The following VEZT variants were observed in gnomAD, a reference collection of about 807,000 sequenced individuals.
The protein encoded by VEZT is vezatin, adherens junctions transmembrane protein, also known as vezatin.
In VEZT, 39 loss-of-function variants were observed where a neutral mutation model predicts 79.9. That is an observed-to-expected ratio of 0.49 (90% CI 0.38 to 0.64). The LOEUF (loss-of-function observed/expected upper bound fraction) is 0.64. Among genes scored for constraint, VEZT ranks in the 30% least tolerant of loss-of-function variants. The probability of loss-of-function intolerance (pLI) is 0.00; values close to 1 mark genes in which losing one functional copy is unlikely to be tolerated. For missense variants in VEZT, 837 were observed against 893.1 expected (o/e 0.94, Z 0.80); for synonymous variants, 325 against 327.6 (o/e 0.99, Z 0.09).
At chr12:95,260,376 G>A (rs1198732453) in intron 3 of VEZT, among the ~76,000 whole-genome samples, 1 of 152,128 alleles carries the variant, frequency 6.6e-6, no homozygotes, top group East Asian at 1.9e-4. Context: ...AAAGTGCTGG[G>A]ATTACAGGGG....
chr12:95,287,758 T>C lies in VEZT; in HGVS notation c.1423T>C (p.Leu475=). ...GGCTTATCCCATCCTAGAACAGAAA[T>C]TAAAGTTGATTCAGCCCCACGTTCA... ...SEAYPILEQK[L]KLIQPHVQAS... Residue 475 remains leucine (L), a synonymous_variant, in exon 9 of 12, where the codon TTA becomes CTA. Transcript: ENST00000436874. 1 of 1,606,270 alleles carries C rather than the reference T, an allele frequency of 6.2e-7. No homozygotes were observed. Among genetic ancestry groups the C allele is most frequent in the Non-Finnish European group, 8.5e-7 (1 of 1,176,022 alleles).
chr12:95,263,432 T>G (rs1272088746), intron 4 of VEZT, among the ~76,000 whole-genome samples: 1 of 152,186 alleles, frequency 6.6e-6, no homozygotes, highest in Non-Finnish European at 1.5e-5. Context: ...GTAGGATTGC[T>G]TAAGGCCAAG....
intron 1 of VEZT, among the ~76,000 whole-genome samples, chr12:95,223,095 G>T (rs2886934): frequency 0.046 from 7,072 of 152,210 alleles, 236 homozygotes; most frequent in Middle Eastern, 0.12. Flanking sequence ...CTATTTATTA[G>T]TTATATTAGT....
chr12:95,240,128 A>G (rs1182287896), intron 1 of VEZT, among the ~76,000 whole-genome samples: 1 of 152,204 alleles, frequency 6.6e-6, no homozygotes, highest in Non-Finnish European at 1.5e-5. Flanking sequence ...GAGTTGGAAG[A>G]TAGACAATCA....
chr12:95,284,952 G>A (rs934788260), intron 8 of VEZT, among the ~76,000 whole-genome samples: 16 of 152,004 alleles, frequency 1.1e-4, no homozygotes, highest in Non-Finnish European at 2.4e-4. Flanking sequence ...TAGGCATGGT[G>A]GCAGGCGCCT....
intron 2 of VEZT, among the ~76,000 whole-genome samples, chr12:95,254,381 C>G (rs1466888593): frequency 8.5e-6 from 1 of 117,490 alleles, no homozygotes; most frequent in African/African-American, 3.3e-5. Flanking sequence ...GAGTCTCACT[C>G]TGTCGCCCAG....
chr12:95,225,383 T>A (rs2058272581), intron 1 of VEZT, among the ~76,000 whole-genome samples: 1 of 151,854 alleles, frequency 6.6e-6, no homozygotes. Context: ...TGAAACCCCA[T>A]CTCTAGTAAA....
At chr12:95,236,269 G>A (rs538471658) in intron 1 of VEZT, among the ~76,000 whole-genome samples, 1 of 152,156 alleles carries the variant, frequency 6.6e-6, no homozygotes, top group African/African-American at 2.4e-5. Context: ...CAAAAAATAC[G>A]AAAACCAGTC....
At chr12:95,285,165 C>G (rs2070378404) in intron 8 of VEZT, among the ~76,000 whole-genome samples, 1 of 151,812 alleles carries the variant, frequency 6.6e-6, no homozygotes, top group Non-Finnish European at 1.5e-5. Context: ...AGCTTCCGGC[C>G]AGGCGCAATG....
chr12:95,218,132 C>T (rs2056971105), intron 1 of VEZT: 2 of 370,878 alleles, frequency 5.4e-6, no homozygotes. Flanking sequence ...TGCCCGGTTG[C>T]CAGGCTCTGG....
At chr12:95,294,464 A>C in intron 10 of VEZT, 92 bp downstream of exon 10, 2 of 1,076,626 alleles carry the variant, frequency 1.9e-6, no homozygotes, top group South Asian at 2.9e-5. Context: ...TTTATATCAG[A>C]TCATTAGTTC....
At chr12:95,292,749 A>G (rs1277166353) in intron 9 of VEZT, among the ~76,000 whole-genome samples, 2 of 151,086 alleles carry the variant, frequency 1.3e-5, no homozygotes, top group East Asian at 3.9e-4. Flanking sequence ...GGGTTTCACC[A>G]TATTAGCCAG....
At chr12:95,218,071 C>T (rs1328036018) in intron 1 of VEZT, 185 bp downstream of exon 1, 3 of 458,998 alleles carry the variant, frequency 6.5e-6, no homozygotes, top group Non-Finnish European at 1.1e-5. Context: ...GCCAGAGGCG[C>T]CCTGGCCGTG....
intron 2 of VEZT, chr12:95,256,518 G>A (rs974525465): frequency 1.4e-5 from 16 of 1,148,496 alleles, no homozygotes; most frequent in Non-Finnish European, 1.7e-5. Context: ...ATAGTTACAT[G>A]TATTTATCTT....
chr12:95,286,017 G>A (rs1488789215), intron 8 of VEZT, among the ~76,000 whole-genome samples: 1 of 111,084 alleles, frequency 9.0e-6, no homozygotes. Context: ...TTGAGATAGA[G>A]TCTGTCACTC....
At chr12:95,247,227 T>G (rs1472597629) in intron 1 of VEZT, among the ~76,000 whole-genome samples, 1 of 152,196 alleles carries the variant, frequency 6.6e-6, no homozygotes, top group Non-Finnish European at 1.5e-5. Context: ...TTTGAAACTA[T>G]TACTTGTTTC....
chr12:95,274,950 T>C, intron 7 of VEZT, 61 bp downstream of exon 7: 1 of 1,560,438 alleles, frequency 6.4e-7, no homozygotes, highest in Non-Finnish European at 8.7e-7. Context: ...ATTGTGTCTA[T>C]GCTTTCTGAA....
In VEZT at chr12:95,217,811, A is replaced by T; in HGVS notation, c.-40A>T. 1 of 1,551,922 alleles carries T rather than the reference A, an allele frequency of 6.4e-7. No homozygotes were observed. Among genetic ancestry groups the T allele is most frequent in the Non-Finnish European group, 8.7e-7 (1 of 1,154,022 alleles). On this transcript the variant is annotated 5_prime_UTR_variant, in exon 1 of 12. Transcript: ENST00000436874. ...CCGTGCCGCCTGTACTCCCGCCTTC[A>T]TTTCCCATCGTGCTGAGGCGGGTGG...
intron 11 of VEZT, 111 bp from the exon 12 acceptor site, chr12:95,300,054 T>C (rs2074987990): frequency 3.4e-6 from 2 of 594,742 alleles, no homozygotes; most frequent in East Asian, 6.6e-5. Context: ...ATTTAGCTTT[T>C]ATTTATTTAT....
Sources: gnomAD v4.1 joint callset for allele counts (sites outside exome capture counted in the v4.1 genomes callset) on GRCh38, gnomAD v4.1.1 for gene constraint, MANE v1.5 for transcripts, NCBI Gene and HGNC (gene_info 2026-07-23, HGNC 2026-07-21) for gene names.